ANO3: variants seen among roughly 807,000 people sequenced by gnomAD.
The protein encoded by ANO3 is anoctamin-3.
In ANO3, 99 loss-of-function variants were observed where a neutral mutation model predicts 144.8. The ratio of observed to expected loss-of-function variants is 0.68; its 90% CI spans 0.58 to 0.81. The LOEUF is 0.81. Ranked by LOEUF, ANO3 falls within the 30% of genes least tolerant of loss-of-function variation. The pLI, the probability that ANO3 is intolerant of heterozygous loss-of-function variation, is 0.00. For synonymous variants in ANO3, 414 were observed against 392.6 expected, an observed-to-expected ratio of 1.05 and a Z score of -0.64; for missense variants, 905 against 1,202.2, an observed-to-expected ratio of 0.75 and a Z score of 3.66.
intron 1 of ANO3, among the ~76,000 whole-genome samples, chr11:26,324,938 T>C (rs947400027): frequency 1.5e-4 from 23 of 152,190 alleles, no homozygotes; most frequent in African/African-American, 5.5e-4. Context: ...TTGCTCCTGA[T>C]TGCACTGAAC....
At chr11:26,435,989 G>T (rs1417742475) in intron 1 of ANO3, among the ~76,000 whole-genome samples, 1 of 152,178 alleles carries the variant, frequency 6.6e-6, no homozygotes, top group African/African-American at 2.4e-5. Flanking sequence ...TAGAGTTCTT[G>T]CATTGGTTCT....
intron 1 of ANO3, among the ~76,000 whole-genome samples, chr11:26,245,160 T>A (rs935507908): frequency 6.6e-6 from 1 of 152,184 alleles, no homozygotes; most frequent in Non-Finnish European, 1.5e-5. Flanking sequence ...GAAAAATGCA[T>A]GGGTAAAGTA....
At chr11:26,455,328 T>C (rs868038105) in intron 3 of ANO3, among the ~76,000 whole-genome samples, 2,483 of 150,814 alleles carry the variant, frequency 0.016, 38 homozygotes, top group Middle Eastern at 0.055. Flanking sequence ...GAAAACCCCA[T>C]TGTCTCAGCC....
At chr11:26,257,154 A>G (rs182413138) in intron 1 of ANO3, among the ~76,000 whole-genome samples, 41 of 152,242 alleles carry the variant, frequency 2.7e-4, no homozygotes, top group Admixed American at 9.8e-4. Context: ...ACTATGCTAA[A>G]TATGTATGTA....
intron 22 of ANO3, among the ~76,000 whole-genome samples, chr11:26,642,342 CTTTTTTT>C (rs576729432): frequency 9.7e-5 from 9 of 93,056 alleles, no homozygotes; most frequent in East Asian, 3.2e-4. Context: ...TTCTTTCTTT[CTTTTTTT>C]TTTTTTTTTT....
intron 1 of ANO3, among the ~76,000 whole-genome samples, chr11:26,335,852 T>C (rs554305505): frequency 6.6e-6 from 1 of 152,316 alleles, no homozygotes; most frequent in South Asian, 2.1e-4. Flanking sequence ...TGACGTTTTG[T>C]TTTTTGGCAG....
At chr11:26,450,277 A>G (rs187773235) in intron 3 of ANO3, among the ~76,000 whole-genome samples, 1 of 152,264 alleles carries the variant, frequency 6.6e-6, no homozygotes, top group East Asian at 1.9e-4. Flanking sequence ...GATGGTGAGT[A>G]GAAAACACTA....
intron 20 of ANO3, among the ~76,000 whole-genome samples, chr11:26,637,217 A>G (rs1396958161): frequency 1.3e-5 from 2 of 152,196 alleles, no homozygotes; most frequent in African/African-American, 4.8e-5. Context: ...CTTAATTTCA[A>G]CAAAATTATA....
chr11:26,458,288 A>C (rs1298998247), intron 3 of ANO3, among the ~76,000 whole-genome samples: 1 of 152,092 alleles, frequency 6.6e-6, no homozygotes, highest in Non-Finnish European at 1.5e-5. Context: ...TCATTAACCA[A>C]AATGCAATAT....
chr11:26,624,007 C>T (rs963122246), intron 17 of ANO3, among the ~76,000 whole-genome samples: 3 of 152,000 alleles, frequency 2.0e-5, no homozygotes, highest in African/African-American at 7.2e-5. Flanking sequence ...AGGATGGTCT[C>T]GATCTCCTGA....
At chr11:26,394,662 C>T (rs977831145) in intron 1 of ANO3, among the ~76,000 whole-genome samples, 1 of 150,522 alleles carries the variant, frequency 6.6e-6, no homozygotes, top group Non-Finnish European at 1.5e-5. Context: ...ACTGCAACCT[C>T]CGCCTCCCAG....
chr11:26,600,975 A>G (rs1334999744), intron 17 of ANO3, among the ~76,000 whole-genome samples: 3 of 152,168 alleles, frequency 2.0e-5, no homozygotes, highest in African/African-American at 7.2e-5. Context: ...CTACCTCTTC[A>G]ATCAGGTCTA....
intron 14 of ANO3, chr11:26,565,638 G>A (rs1850544519): frequency 6.2e-7 from 1 of 1,610,042 alleles, no homozygotes; most frequent in Non-Finnish European, 8.5e-7. Context: ...TAGATTCAAA[G>A]GAGGGGAATG....
intron 1 of ANO3, among the ~76,000 whole-genome samples, chr11:26,251,825 GAGAACTCCCTCACTATCACGCAGACAGC>G (rs1852935104): frequency 6.6e-6 from 1 of 152,152 alleles, no homozygotes; most frequent in South Asian, 2.1e-4. Flanking sequence ...CAGCTCTCAG[GAGAACTCCCTCACTATCACGCAGACAGC>G]ATGGGGGAAA....
intron 4 of ANO3, among the ~76,000 whole-genome samples, chr11:26,499,888 C>T (rs1222901301): frequency 6.6e-6 from 1 of 151,822 alleles, no homozygotes; most frequent in African/African-American, 2.4e-5. Context: ...ATTGTGCAAC[C>T]ATCCCCACAA....
chr11:26,231,405 T>TG (rs1038074878), intron 1 of ANO3, among the ~76,000 whole-genome samples: 1 of 152,154 alleles, frequency 6.6e-6, no homozygotes, highest in Non-Finnish European at 1.5e-5. Flanking sequence ...GCATTTTTTT[T>TG]GTTCATGAAG....
chr11:26,221,523 A>C (rs1285770340), intron 1 of ANO3, among the ~76,000 whole-genome samples: 1 of 152,202 alleles, frequency 6.6e-6, no homozygotes, highest in Non-Finnish European at 1.5e-5. Context: ...GATTGATGGA[A>C]TCTCACAGGT....
intron 6 of ANO3, among the ~76,000 whole-genome samples, chr11:26,520,363 G>GA (rs1292010373): frequency 2.0e-4 from 31 of 151,624 alleles, no homozygotes; most frequent in Non-Finnish European, 3.5e-4. Flanking sequence ...TATATCCAAG[G>GA]AAAAAATGAA....
upstream of ANO3, among the ~76,000 whole-genome samples, chr11:26,306,620 T>C (rs962037659): frequency 6.6e-6 from 1 of 151,980 alleles, no homozygotes; most frequent in African/African-American, 2.4e-5. Context: ...GCCCTGATTG[T>C]GCCACCACAC....
Sources: gnomAD v4.1 joint callset for allele counts (sites outside exome capture counted in the v4.1 genomes callset) on GRCh38, gnomAD v4.1.1 for gene constraint, MANE v1.5 for transcripts, NCBI Gene and HGNC (gene_info 2026-07-23, HGNC 2026-07-21) for gene names.